Variants in CACNA1C observed in about 807,000 individuals in gnomAD.
CACNA1C encodes voltage-dependent L-type calcium channel subunit alpha-1C.
A neutral mutation model predicts 229.0 loss-of-function variants in CACNA1C; 30 were observed. The ratio of observed to expected loss-of-function variants is 0.13; its 90% CI spans 0.10 to 0.18. CACNA1C has a LOEUF of 0.18. Ranked by LOEUF, CACNA1C falls within the 10% of genes least tolerant of loss-of-function variation. CACNA1C has a pLI of 1.00. For synonymous variants in CACNA1C, 1,114 were observed against 1,132.5 expected, an observed-to-expected ratio of 0.98 and a Z score of 0.33; for missense variants, 1,658 against 2,845.0, an observed-to-expected ratio of 0.58 and a Z score of 9.49.
rs1490398146 is a variant in CACNA1C at position 2,647,429 on chromosome 12, C to T, written c.3913-1046C>T. On this transcript the variant is annotated intron_variant, in intron 30 of 46. Coordinates refer to ENST00000399655, the MANE Select transcript of CACNA1C (RefSeq NM_000719.7). The surrounding 1 kb of genome is among the most constrained non-coding windows in gnomAD (Gnocchi z 4.2). ...CCCAAATGAGTTCAGCAGTCAGACCCGTGAGAACAGCTTCCTGGGGTGTTA... is the reference window on the plus strand; with the variant it reads ...CCCAAATGAGTTCAGCAGTCAGACCTGTGAGAACAGCTTCCTGGGGTGTTA... Among the ~76,000 whole-genome samples, 1 of 152,212 alleles carries T rather than the reference C, an allele frequency of 6.6e-6. No individual in the cohort carries two copies. Among genetic ancestry groups the T allele is most frequent in the African/African-American group, 2.4e-5 (1 of 41,444 alleles).
intron 3 of CACNA1C, among the ~76,000 whole-genome samples, chr12:2,367,587 AGT>A (rs946573105): frequency 6.6e-6 from 1 of 152,244 alleles, no homozygotes; most frequent in African/African-American, 2.4e-5. Flanking sequence ...ACTAAAACAA[AGT>A]GTTGCAAAAA....
intron 3 of CACNA1C, among the ~76,000 whole-genome samples, chr12:2,406,593 A>G (rs908621196): frequency 6.6e-6 from 1 of 152,110 alleles, no homozygotes; most frequent in Non-Finnish European, 1.5e-5. Flanking sequence ...TACTTTTAAA[A>G]TGTTCATTTA....
At chr12:2,503,954 T>A (rs1421536250) in intron 7 of CACNA1C, among the ~76,000 whole-genome samples, 4 of 152,234 alleles carry the variant, frequency 2.6e-5, no homozygotes, top group African/African-American at 9.6e-5. Context: ...AAGGTTATCT[T>A]CTGAGGAAGG....
intron 3 of CACNA1C, among the ~76,000 whole-genome samples, chr12:2,258,309 A>T (rs1489819130): frequency 6.6e-6 from 1 of 152,248 alleles, no homozygotes. Flanking sequence ...CAGGAAACTT[A>T]GGCCAGCATT....
At chr12:2,177,565 C>CT (rs1566162557) in intron 3 of CACNA1C, among the ~76,000 whole-genome samples, 1 of 52,174 alleles carries the variant, frequency 1.9e-5, no homozygotes. Context: ...CTTTCCTTCC[C>CT]TCCCTCCCTC....
chr12:2,125,893 G>C (rs2089813584), intron 3 of CACNA1C, among the ~76,000 whole-genome samples: 1 of 152,214 alleles, frequency 6.6e-6, no homozygotes, highest in South Asian at 2.1e-4. Flanking sequence ...TTGGGTTCAA[G>C]AATAATCTAT....
chr12:2,209,313 C>G (rs557635331), intron 3 of CACNA1C, among the ~76,000 whole-genome samples: 92 of 152,296 alleles, frequency 6.0e-4, no homozygotes, highest in Middle Eastern at 6.8e-3. Flanking sequence ...AAAACAAACA[C>G]CAACAATCCT....
intron 3 of CACNA1C, among the ~76,000 whole-genome samples, chr12:2,273,894 G>C (rs1187819305): frequency 6.6e-6 from 1 of 152,202 alleles, no homozygotes; most frequent in Non-Finnish European, 1.5e-5. Flanking sequence ...GTGTGTGCAG[G>C]CTGTGCCCCT....
upstream of CACNA1C, among the ~76,000 whole-genome samples, chr12:2,052,074 G>A (rs1294673894): frequency 6.6e-6 from 1 of 152,224 alleles, no homozygotes; most frequent in Admixed American, 6.5e-5. Context: ...GGGTGCCGTG[G>A]AACTTGCTGT....
At chr12:2,251,241 G>T (rs1402735734) in intron 3 of CACNA1C, among the ~76,000 whole-genome samples, 1 of 152,196 alleles carries the variant, frequency 6.6e-6, no homozygotes, top group Non-Finnish European at 1.5e-5. Flanking sequence ...GAAGGGCAAA[G>T]GGAAGCTGAG....
chr12:2,201,115 T>G (rs1178733897), intron 3 of CACNA1C, among the ~76,000 whole-genome samples: 1 of 152,208 alleles, frequency 6.6e-6, no homozygotes, highest in East Asian at 1.9e-4. Flanking sequence ...GCTGCCATGT[T>G]GATTCCTCCT....
rs555018399 is a variant in CACNA1C at position 2,571,146 on chromosome 12, G to A, written c.1895+3352G>A. ...TATTATTCCCACTTTGCAGATGAGAGACTGAGGCTTAGAGAGTTGTCAGTT... is the reference window on the plus strand; with the variant it reads ...TATTATTCCCACTTTGCAGATGAGAAACTGAGGCTTAGAGAGTTGTCAGTT... On this transcript the variant is annotated intron_variant, in intron 13 of 46. Transcript: ENST00000399655. Among the ~76,000 whole-genome samples the A allele has an allele frequency of 8.1e-4, 124 of 152,318 alleles. 1 individual carries two copies. Among genetic ancestry groups the A allele is most frequent in the African/African-American group, 2.9e-3 (121 of 41,568 alleles).
At chr12:2,622,539 A>G (rs1294242960) in intron 29 of CACNA1C, among the ~76,000 whole-genome samples, 1 of 152,220 alleles carries the variant, frequency 6.6e-6, no homozygotes, top group Non-Finnish European at 1.5e-5. Context: ...TGTTTGCGAC[A>G]GAACCAGGGC....
intron 3 of CACNA1C, among the ~76,000 whole-genome samples, chr12:2,174,833 CA>C (rs1172068229): frequency 3.3e-5 from 5 of 152,130 alleles, no homozygotes; most frequent in Admixed American, 3.3e-4. Context: ...TAGAGAAAAG[CA>C]AATGTCATTA....
intron 3 of CACNA1C, among the ~76,000 whole-genome samples, chr12:2,431,029 C>A (rs1548649): frequency 2.6e-5 from 4 of 152,060 alleles, no homozygotes; most frequent in East Asian, 3.9e-4. Context: ...AGGGAGCTCC[C>A]TTCATTGACG....
intron 9 of CACNA1C, among the ~76,000 whole-genome samples, chr12:2,541,968 G>A (rs751641592): frequency 1.2e-4 from 18 of 152,074 alleles, no homozygotes; most frequent in Admixed American, 2.6e-4. Flanking sequence ...GGAACAGGCC[G>A]GATATTCTCT....
Position 2,632,594 on chromosome 12 carries a change from C to A in CACNA1C, c.3829-1703C>A, listed in dbSNP as rs556918574. On this transcript the variant is annotated intron_variant, in intron 29 of 46. Transcript: ENST00000399655. This position sits in a 1 kb window ranked among gnomAD's most constrained non-coding sequence, Gnocchi z 4.1. ...GAAAAATAAACAAAATCCATAGCTA[C>A]AGAATCAAGTGGTAAAGTCAGGATA... Among the ~76,000 whole-genome samples, 2 of 152,184 alleles carry A rather than the reference C, an allele frequency of 1.3e-5. No homozygotes were observed. The highest frequency in any genetic ancestry group is 2.4e-5 in the African/African-American group (1 of 41,438).
At chr12:2,572,312 C>CT in intron 13 of CACNA1C, among the ~76,000 whole-genome samples, 1 of 147,184 alleles carries the variant, frequency 6.8e-6, no homozygotes, top group East Asian at 2.0e-4. Context: ...CCTCCTCCTC[C>CT]TCCTCCTCTT....
intron 7 of CACNA1C, among the ~76,000 whole-genome samples, chr12:2,502,191 T>C (rs1438810281): frequency 6.6e-6 from 1 of 152,212 alleles, no homozygotes; most frequent in Admixed American, 6.5e-5. Flanking sequence ...TGCCTGGTCA[T>C]TTCCTGTCTC....
Sources: gnomAD v4.1 joint callset for allele counts (sites outside exome capture counted in the v4.1 genomes callset) on GRCh38, gnomAD v4.1.1 for gene constraint, Gnocchi (gnomAD v3.1) non-coding constraint, MANE v1.5 for transcripts, NCBI Gene and HGNC (gene_info 2026-07-23, HGNC 2026-07-21) for gene names.